Variants in TRDN observed in about 807,000 individuals in gnomAD.
TRDN encodes triadin in skeletal muscle.
In TRDN, 161 loss-of-function variants were observed where a neutral mutation model predicts 149.7. The ratio of observed to expected loss-of-function variants is 1.08; its 90% CI spans 0.95 to 1.23. The LOEUF is 1.23. Among genes scored for constraint, TRDN ranks in the 50% most tolerant of loss-of-function variants. TRDN has a pLI of 0.00. For missense variants in TRDN, 896 were observed against 823.5 expected (o/e 1.09, Z -1.08); for synonymous variants, 294 against 250.5 (o/e 1.17, Z -1.64).
chr6:123,377,974 A>G (rs1781573715), intron 16 of TRDN, 76 bp from the exon 17 acceptor site: 1 of 1,075,394 alleles, frequency 9.3e-7, no homozygotes, highest in African/African-American at 1.6e-5. Flanking sequence ...AATTGTTTTA[A>G]CACAAAGAAA....
chr6:123,277,725 T>C (rs896477219), intron 26 of TRDN, among the ~76,000 whole-genome samples: 1 of 152,140 alleles, frequency 6.6e-6, no homozygotes, highest in African/African-American at 2.4e-5. Context: ...AGCATGTCCC[T>C]TGTGACACCT....
At chr6:123,428,280 C>T (rs906187845) in intron 12 of TRDN, among the ~76,000 whole-genome samples, 1 of 152,084 alleles carries the variant, frequency 6.6e-6, no homozygotes, top group Admixed American at 6.6e-5. Flanking sequence ...CAGGAATGGG[C>T]CTATGAAGAC....
chr6:123,382,127 G>GT lies in TRDN; in HGVS notation c.1155dup (p.Pro386ThrfsTer34). On this transcript the variant is annotated frameshift_variant, in exon 15 of 41. Coordinates refer to ENST00000334268, the MANE Select transcript of TRDN (RefSeq NM_006073.4). LOFTEE classifies it high-confidence loss of function. The stretch of plus-strand genomic sequence containing the variant: ...GAAATATGTCCAGTACCTTCTGCAG[G>GT]TTTTTTTGTTTTCTTGGAATCTGAA... 4 of 1,496,566 alleles carry GT rather than the reference G, an allele frequency of 2.7e-6. No individual in the cohort carries two copies. Among genetic ancestry groups the GT allele is most frequent in the African/African-American group, 1.4e-5 (1 of 69,412 alleles). The allele number at this position is 1,496,566 out of a possible 1,614,324, so 92.7% of individuals were successfully genotyped here.
rs545792972 is a variant in TRDN, at chr6:123,518,215, T to C, written c.485-2009A>G. On this transcript the variant is annotated intron_variant, in intron 5 of 40. Transcript: ENST00000334268. Reference sequence around the variant, plus strand: ...TCACCTTAAAACATTGAGATATTATTTTTTTCCACATTTAATGGTTCTTTT... The same window carrying C: ...TCACCTTAAAACATTGAGATATTATCTTTTTCCACATTTAATGGTTCTTTT... Among the ~76,000 whole-genome samples the C allele has an allele frequency of 8.9e-4, 135 of 152,156 alleles. 2 individuals are homozygous for C. The highest frequency in any genetic ancestry group is 1.7e-3 in the Admixed American group (26 of 15,288).
At position 123,553,723 on chromosome 6, in the gene TRDN, G is replaced by A. The variant is rs1224895955; in HGVS notation, c.233-5111C>T. On this transcript the variant is annotated intron_variant, in intron 2 of 40. Transcript: ENST00000334268. ...CAGCAAAAGAAAATGAGAGCCAAGTGAAAAGGGAAACCCCTTATAAAACCA... is the reference window on the plus strand; with the variant it reads ...CAGCAAAAGAAAATGAGAGCCAAGTAAAAAGGGAAACCCCTTATAAAACCA... 2.0e-5 allele frequency among the ~76,000 whole-genome samples: 3 copies of A among 152,144 alleles called. No individual in the cohort carries two copies. The East Asian group carries it at 5.8e-4, about 29-fold the overall frequency.
At chr6:123,516,035 A>C in intron 6 of TRDN, 106 bp downstream of exon 6, 1 of 1,153,522 alleles carries the variant, frequency 8.7e-7, no homozygotes, top group Non-Finnish European at 1.1e-6. Flanking sequence ...AATAATCCTA[A>C]TCTAATTTGT....
At chr6:123,582,455 G>T (rs1391405219) in intron 1 of TRDN, among the ~76,000 whole-genome samples, 5 of 150,476 alleles carry the variant, frequency 3.3e-5, no homozygotes, top group South Asian at 2.1e-4. Flanking sequence ...GGAGATAGGG[G>T]TGGGGCCGTT....
chr6:123,569,166 G>A (rs1411205035), intron 2 of TRDN, among the ~76,000 whole-genome samples: 1 of 152,174 alleles, frequency 6.6e-6, no homozygotes, highest in East Asian at 1.9e-4. Flanking sequence ...TACTTCTACA[G>A]ATCCCTAGGG....
chr6:123,364,596 C>T (rs770306689), intron 20 of TRDN, among the ~76,000 whole-genome samples: 8 of 152,156 alleles, frequency 5.3e-5, no homozygotes, highest in South Asian at 2.1e-4. Flanking sequence ...TGCAGTGAGC[C>T]GAGATCGTGC....
At chr6:123,416,572 T>C (rs1445513474) in intron 12 of TRDN, among the ~76,000 whole-genome samples, 2 of 152,212 alleles carry the variant, frequency 1.3e-5, no homozygotes, top group African/African-American at 4.8e-5. Context: ...GCCCTCTCAA[T>C]TCTTCATAGC....
Position 123,567,002 on chromosome 6 carries a change from C to T in TRDN, c.232+3921G>A, listed in dbSNP as rs185327462. 3.3e-3 allele frequency among the ~76,000 whole-genome samples: 495 copies of T among 152,254 alleles called. 1 individual carries two copies. The highest frequency in any genetic ancestry group is 0.011 in the African/African-American group (452 of 41,546). ...TTAGATTAGATTACTTAAAATAAGG[C>T]ATACTTATAGTTCACAGTAGAGCTT... On this transcript the variant is annotated intron_variant, in intron 2 of 40. Coordinates refer to ENST00000334268, the MANE Select transcript of TRDN (RefSeq NM_006073.4).
intron 5 of TRDN, among the ~76,000 whole-genome samples, chr6:123,523,612 G>A (rs1779795377): frequency 1.3e-5 from 2 of 152,142 alleles, no homozygotes; most frequent in Non-Finnish European, 2.9e-5. Flanking sequence ...ATTTAATTGA[G>A]AGATGATTGT....
intron 1 of TRDN, among the ~76,000 whole-genome samples, chr6:123,594,080 T>C (rs995528148): frequency 2.0e-5 from 3 of 152,154 alleles, no homozygotes; most frequent in Non-Finnish European, 4.4e-5. Context: ...AAAAGATGTA[T>C]GCATGTGTGC....
intron 2 of TRDN, among the ~76,000 whole-genome samples, chr6:123,566,975 T>C (rs1782325977): frequency 6.6e-6 from 1 of 152,206 alleles, no homozygotes; most frequent in South Asian, 2.1e-4. Flanking sequence ...ATAATTAGAT[T>C]TTTAGATTAG....
At chr6:123,490,835 T>G (rs919862496) in intron 9 of TRDN, among the ~76,000 whole-genome samples, 61 of 152,324 alleles carry the variant, frequency 4.0e-4, no homozygotes, top group Admixed American at 3.9e-3. Flanking sequence ...CCAGGCACAG[T>G]GGCTCACGCC....
chr6:123,387,711 G>C (rs1341254167), intron 14 of TRDN, among the ~76,000 whole-genome samples: 1 of 152,096 alleles, frequency 6.6e-6, no homozygotes, highest in African/African-American at 2.4e-5. Context: ...AAGTTAGTAA[G>C]ACCAACATGA....
At chr6:123,282,582 G>A (rs550492056) in intron 24 of TRDN, among the ~76,000 whole-genome samples, 17 of 151,762 alleles carry the variant, frequency 1.1e-4, no homozygotes, top group Admixed American at 4.6e-4. Context: ...TCTAGAGTGC[G>A]CTAAAGCCTA....
At chr6:123,621,743 T>C (rs1185745735) in intron 1 of TRDN, among the ~76,000 whole-genome samples, 1 of 152,092 alleles carries the variant, frequency 6.6e-6, no homozygotes, top group Non-Finnish European at 1.5e-5. Context: ...GATGTTGAGG[T>C]CATAAAACTA....
intron 24 of TRDN, among the ~76,000 whole-genome samples, chr6:123,314,081 A>G (rs1478191055): frequency 6.6e-6 from 1 of 152,078 alleles, no homozygotes; most frequent in Non-Finnish European, 1.5e-5. Context: ...ATGGAAGAAA[A>G]TTTTTGCAAA....
Sources: gnomAD v4.1 joint callset for allele counts (sites outside exome capture counted in the v4.1 genomes callset) on GRCh38, gnomAD v4.1.1 for gene constraint, MANE v1.5 for transcripts, NCBI Gene and HGNC (gene_info 2026-07-23, HGNC 2026-07-21) for gene names.